ATG16L1: variants seen among roughly 807,000 people sequenced by gnomAD.
ATG16L1 encodes the protein autophagy-related protein 16-1.
Under a neutral mutation model 88.5 loss-of-function variants are expected in ATG16L1, and 37 were observed. That is an observed-to-expected ratio of 0.42 (90% confidence interval 0.32 to 0.55). ATG16L1 has a LOEUF of 0.55. Ranked by LOEUF, ATG16L1 falls within the 20% of genes least tolerant of loss-of-function variation. The pLI is 0.13. For synonymous variants in ATG16L1, 301 were observed against 281.0 expected, an observed-to-expected ratio of 1.07 and a Z score of -0.71; for missense variants, 554 against 752.8, an observed-to-expected ratio of 0.74 and a Z score of 3.09.
chr2:233,288,589 T>A, intron 12 of ATG16L1: 1 of 368,182 alleles, frequency 2.7e-6, no homozygotes, highest in South Asian at 2.1e-5. Flanking sequence ...CCCTTGCATT[T>A]TCTAATTAGA....
chr2:233,254,673 A>G (rs1696651270), intron 1 of ATG16L1, among the ~76,000 whole-genome samples: 1 of 152,226 alleles, frequency 6.6e-6, no homozygotes, highest in Non-Finnish European at 1.5e-5. Flanking sequence ...AGGTCTTACT[A>G]GAGCCCTTTG....
chr2:233,283,655 A>G (rs187561993), intron 12 of ATG16L1, among the ~76,000 whole-genome samples: 169 of 151,944 alleles, frequency 1.1e-3, no homozygotes, highest in African/African-American at 3.9e-3. Flanking sequence ...GGTTCAAGCA[A>G]TTCTCCTGCC....
chr2:233,269,209 A>G (rs552825246), intron 5 of ATG16L1, among the ~76,000 whole-genome samples: 1 of 152,238 alleles, frequency 6.6e-6, no homozygotes, highest in Non-Finnish European at 1.5e-5. Context: ...GAATCTCACT[A>G]TACCTCAGTT....
chr2:233,273,206 CT>C (rs1187359791), intron 7 of ATG16L1, 154 bp downstream of exon 7: 2 of 611,794 alleles, frequency 3.3e-6, no homozygotes, highest in Non-Finnish European at 5.9e-6. Flanking sequence ...GGTGTCCAGT[CT>C]TTCTCAGTTC....
intron 14 of ATG16L1, among the ~76,000 whole-genome samples, chr2:233,291,457 C>T (rs1400963618): frequency 5.3e-5 from 8 of 152,120 alleles, no homozygotes; most frequent in Admixed American, 3.3e-4. Context: ...AAGATAAATT[C>T]TTGCTTAGTT....
At position 233,286,743 on chromosome 2, in the gene ATG16L1, A is replaced by C. The variant is rs538429076; in HGVS notation, c.1204-3111A>C. Among the ~76,000 whole-genome samples the C allele has an allele frequency of 4.0e-5, 6 of 148,422 alleles. No homozygotes were observed. The South Asian group carries it at 1.3e-3, about 32-fold the overall frequency. ...TGGGTTCACACCATTCTCCTGCCTC[A>C]GCCTCCCGAGTAGCTGGGACTACAG... On this transcript the variant is annotated intron_variant, in intron 12 of 17. Transcript: ENST00000392017.
intron 12 of ATG16L1, chr2:233,282,974 A>T: frequency 4.0e-6 from 2 of 500,810 alleles, no homozygotes; most frequent in South Asian, 4.4e-5. Context: ...TCACATTTGC[A>T]TGAAAACCTT....
chr2:233,259,483 A>G (rs1201417455), intron 2 of ATG16L1, among the ~76,000 whole-genome samples: 1 of 152,208 alleles, frequency 6.6e-6, no homozygotes, highest in Non-Finnish European at 1.5e-5. Flanking sequence ...GTAGTGAGCC[A>G]CAGTCAGTTA....
At chr2:233,290,422 G>A in intron 14 of ATG16L1, 69 bp downstream of exon 14, 1 of 1,257,844 alleles carries the variant, frequency 8.0e-7, no homozygotes, top group Non-Finnish European at 1.2e-6. Flanking sequence ...TACATGGGTT[G>A]TGCTTTTAAG....
chr2:233,290,743 G>A (rs1699405038), intron 14 of ATG16L1, among the ~76,000 whole-genome samples: 1 of 152,198 alleles, frequency 6.6e-6, no homozygotes, highest in Non-Finnish European at 1.5e-5. Context: ...GGAGACGTGA[G>A]TAGGATTCAC....
chr2:233,270,179 G>A lies in ATG16L1; in HGVS notation c.707+112G>A. On this transcript the variant is annotated intron_variant, in intron 6 of 17. Coordinates refer to ENST00000392017, the MANE Select transcript of ATG16L1 (RefSeq NM_030803.7). ...TTTTTTTGAGACAGGGTCTTGCTCT[G>A]TTGCCCAGGCTGGAGTGCAGTGGTG... 3.1e-6 allele frequency: 3 copies of A among 958,022 alleles called. No individual in the cohort carries two copies. The South Asian group carries it at 6.3e-5, about 20-fold the overall frequency. The allele number at this position is 958,022 out of a possible 1,614,324, so 59.3% of individuals were successfully genotyped here. A position where few individuals can be genotyped will look rare whatever the true frequency, so the allele number is the denominator to read the frequency against.
chr2:233,279,991 G>A (rs1245288981), intron 10 of ATG16L1, among the ~76,000 whole-genome samples: 1 of 152,148 alleles, frequency 6.6e-6, no homozygotes, highest in East Asian at 1.9e-4. Flanking sequence ...AAATCTTAGC[G>A]AATATTAGCC....
intron 6 of ATG16L1, among the ~76,000 whole-genome samples, chr2:233,270,910 G>T (rs1697948193): frequency 6.6e-6 from 1 of 152,118 alleles, no homozygotes; most frequent in Admixed American, 6.5e-5. Flanking sequence ...TAAAATGTTG[G>T]TTGCTTCCCT....
intron 11 of ATG16L1, 26 bp from the exon 12 acceptor site, chr2:233,282,656 G>A: frequency 1.9e-6 from 3 of 1,603,314 alleles, no homozygotes; most frequent in Non-Finnish European, 1.7e-6. Context: ...GCTAAAAATT[G>A]GTTTTCCTCT....
chr2:233,253,332 G>GGTT (rs1696520831), intron 1 of ATG16L1, among the ~76,000 whole-genome samples: 1 of 112,886 alleles, frequency 8.9e-6, no homozygotes, highest in South Asian at 3.2e-4. Context: ...GTGAGACTGG[G>GGTT]TTTTTTTGTT....
intron 15 of ATG16L1, 42 bp from the exon 16 acceptor site, chr2:233,292,345 G>T (rs1207451853): frequency 6.2e-7 from 1 of 1,614,212 alleles, no homozygotes; most frequent in South Asian, 1.1e-5. Flanking sequence ...GTGCTGCGTG[G>T]CCTGAGCTCC....
intron 2 of ATG16L1, among the ~76,000 whole-genome samples, chr2:233,256,543 G>A (rs974413863): frequency 6.6e-6 from 1 of 151,956 alleles, no homozygotes; most frequent in Non-Finnish European, 1.5e-5. Flanking sequence ...GCGGGTTTGT[G>A]TAGATCCTGT....
At chr2:233,273,274 C>A in intron 7 of ATG16L1, 1 of 544,412 alleles carries the variant, frequency 1.8e-6, no homozygotes, top group Non-Finnish European at 3.3e-6. Flanking sequence ...CTTCTAAATA[C>A]AAAAAAATGT....
intron 10 of ATG16L1, among the ~76,000 whole-genome samples, chr2:233,280,000 C>T (rs1047419627): frequency 5.9e-5 from 9 of 152,160 alleles, no homozygotes; most frequent in South Asian, 2.1e-4. Flanking sequence ...CGAATATTAG[C>T]CTTTTTCAAC....
Sources: allele counts gnomAD v4.1 joint callset (sites outside exome capture counted in the v4.1 genomes callset), GRCh38; gene constraint gnomAD v4.1.1; transcripts MANE v1.5; gene names NCBI Gene and HGNC (gene_info 2026-07-23, HGNC 2026-07-21).